The following TGFBR3 variants were observed in gnomAD, a reference collection of about 807,000 sequenced individuals.
The protein encoded by TGFBR3 is transforming growth factor beta receptor 3, also known as transforming growth factor beta receptor type 3.
A neutral mutation model predicts 87.9 loss-of-function variants in TGFBR3; 46 were observed. The ratio of observed to expected loss-of-function variants is 0.52; its 90% CI spans 0.41 to 0.67. The LOEUF is 0.67. TGFBR3 is among the 30% of genes least tolerant of loss of function. The pLI is 0.00. For synonymous variants in TGFBR3, 381 were observed against 391.6 expected (o/e 0.97, Z 0.32); for missense variants, 866 against 1,041.9 (o/e 0.83, Z 2.32).
At position 91,682,566 on chromosome 1, in the gene TGFBR3, G is replaced by C. The variant is rs759611426; in HGVS notation, c.*1173C>G. The C allele has an allele frequency of 8.8e-6, 4 of 453,702 alleles. No individual in the cohort carries two copies. Among genetic ancestry groups the C allele is most frequent in the South Asian group, 4.7e-5 (3 of 64,442 alleles). The allele number at this position is 453,702 out of a possible 1,614,324, so 28.1% of individuals were successfully genotyped here. On this transcript the variant is annotated 3_prime_UTR_variant, in exon 17 of 17. Transcript: ENST00000212355. ...GCAAGAGAAGTAAGGCAATCCAAAT[G>C]AGTGCCCTTTTCCAATCTCAGCACT...
Position 91,681,209 on chromosome 1 carries a change from A to C in TGFBR3, c.*2530T>G. 1 of 451,520 alleles carries C rather than the reference A, an allele frequency of 2.2e-6. No homozygotes were observed. The allele number at this position is 451,520 out of a possible 1,614,324, so 28.0% of individuals were successfully genotyped here. On this transcript the variant is annotated 3_prime_UTR_variant, in exon 17 of 17. Transcript: ENST00000212355. ...AAACTGTAAAGTGTGAAGCAATTAGAAATACTGTAATGAGAAGCTAGGGAG... is the reference window on the plus strand; with the variant it reads ...AAACTGTAAAGTGTGAAGCAATTAGCAATACTGTAATGAGAAGCTAGGGAG...
At chr1:91,901,177 T>A (rs1485883104) in intron 1 of TGFBR3, among the ~76,000 whole-genome samples, 2 of 152,202 alleles carry the variant, frequency 1.3e-5, no homozygotes, top group East Asian at 3.8e-4. Flanking sequence ...TTTCTGTGGG[T>A]TTTGTTTGTT....
Position 91,800,354 on chromosome 1 carries a change from G to GTGTGTGTA in TGFBR3, c.62-2884_62-2883insTACACACA, listed in dbSNP as rs1239418559. 5.4e-5 allele frequency among the ~76,000 whole-genome samples: 8 copies of GTGTGTGTA among 147,776 alleles called. No individual in the cohort carries two copies. The South Asian group carries it at 1.1e-3, about 20-fold the overall frequency. On this transcript the variant is annotated intron_variant, in intron 2 of 16. Coordinates refer to ENST00000212355, the MANE Select transcript of TGFBR3 (RefSeq NM_003243.5). ...TATGTGTGTGTGTGTGTGTGTGTGT[G>GTGTGTGTA]TATATAAAAGCAGTTGTGGTGGTGC...
intron 2 of TGFBR3, among the ~76,000 whole-genome samples, chr1:91,893,893 A>C (rs72952824): frequency 4.0e-5 from 6 of 150,738 alleles, no homozygotes; most frequent in African/African-American, 1.5e-4. Context: ...ATTTGAGAAA[A>C]ATAATATAAA....
chr1:91,690,340 G>A (rs1020386301), intron 16 of TGFBR3, among the ~76,000 whole-genome samples: 3 of 152,130 alleles, frequency 2.0e-5, no homozygotes, highest in Non-Finnish European at 2.9e-5. Flanking sequence ...GGAAACTGAA[G>A]GTTCCAGAAA....
intron 5 of TGFBR3, among the ~76,000 whole-genome samples, chr1:91,732,072 G>T (rs1430070135): frequency 6.6e-6 from 1 of 152,180 alleles, no homozygotes; most frequent in East Asian, 1.9e-4. Context: ...GGGGCAGGGG[G>T]AGTCACATGC....
chr1:91,827,095 T>C (rs564843623), intron 2 of TGFBR3, among the ~76,000 whole-genome samples: 38 of 152,318 alleles, frequency 2.5e-4, no homozygotes, highest in African/African-American at 7.9e-4. Context: ...TCCCTTGCCC[T>C]CTACCTATTC....
At chr1:91,707,064 A>G (rs895859254) in intron 14 of TGFBR3, among the ~76,000 whole-genome samples, 6 of 152,260 alleles carry the variant, frequency 3.9e-5, no homozygotes, top group South Asian at 4.1e-4. Context: ...AATGAATTAA[A>G]GATTATTTTG....
intron 2 of TGFBR3, among the ~76,000 whole-genome samples, chr1:91,807,475 ATTG>A (rs1426572206): frequency 1.3e-5 from 2 of 152,332 alleles, no homozygotes; most frequent in African/African-American, 2.4e-5. Context: ...ATATTTGTGT[ATTG>A]TTGTGTTGAA....
At chr1:91,836,505 TC>T (rs1677074340) in intron 2 of TGFBR3, among the ~76,000 whole-genome samples, 1 of 152,132 alleles carries the variant, frequency 6.6e-6, no homozygotes, top group Non-Finnish European at 1.5e-5. Flanking sequence ...GGCAGCTGGC[TC>T]TTAACGTCTA....
chr1:91,861,205 C>T (rs1397668708), intron 2 of TGFBR3, among the ~76,000 whole-genome samples: 1 of 151,994 alleles, frequency 6.6e-6, no homozygotes, highest in African/African-American at 2.4e-5. Context: ...AGTTTGAAAC[C>T]AGCCTGAGCA....
At chr1:91,822,724 C>T (rs1321094701) in intron 2 of TGFBR3, among the ~76,000 whole-genome samples, 2 of 151,994 alleles carry the variant, frequency 1.3e-5, no homozygotes, top group Non-Finnish European at 2.9e-5. Context: ...TCTAGGAGTT[C>T]GAGACCAGCC....
chr1:91,889,737 C>T (rs1412565277), upstream of TGFBR3, among the ~76,000 whole-genome samples: 5 of 152,026 alleles, frequency 3.3e-5, no homozygotes, highest in African/African-American at 7.3e-5. Flanking sequence ...TGCAGCAGCG[C>T]GATCTCAGCT....
At chr1:91,884,793 T>A (rs1052831670) in intron 1 of TGFBR3, among the ~76,000 whole-genome samples, 2 of 152,240 alleles carry the variant, frequency 1.3e-5, no homozygotes, top group Non-Finnish European at 2.9e-5. Context: ...CACACTGAAG[T>A]AACTGTTTGC....
At chr1:91,850,162 C>A (rs1173735210) in intron 2 of TGFBR3, among the ~76,000 whole-genome samples, 4 of 151,718 alleles carry the variant, frequency 2.6e-5, no homozygotes, top group Non-Finnish European at 5.9e-5. Context: ...AAAGTCTCTC[C>A]CCTTTCTGTG....
At chr1:91,890,291 G>T (rs773462827), upstream of TGFBR3, among the ~76,000 whole-genome samples, 2 of 151,736 alleles carry the variant, frequency 1.3e-5, no homozygotes, top group Non-Finnish European at 2.9e-5. Context: ...AGATTTAGTG[G>T]CATGTCTCCA....
intron 2 of TGFBR3, among the ~76,000 whole-genome samples, chr1:91,891,692 C>T (rs1341862457): frequency 6.6e-6 from 1 of 152,120 alleles, no homozygotes; most frequent in East Asian, 1.9e-4. Flanking sequence ...AGAACATGAA[C>T]CAAATGTTCC....
In TGFBR3 at chr1:91,797,439, G is replaced by A. The variant is rs767943888; in HGVS notation, c.94C>T (p.Pro32Ser). ...PEPGALCELS[P>S]VSASHPVQAL... ...TGGACAGGATGGGAGGCACTGACAG[G>A]TGACAGTTCACACAGTGCACCAGGC... is the stretch of plus-strand genomic sequence containing the variant. Residue 32 changes from proline (P) to serine (S), a missense_variant, in exon 3 of 17, where the codon CCT becomes TCT. Physicochemically the swap from Pro to Ser is moderately conservative, Grantham distance 74. Coordinates refer to ENST00000212355, the MANE Select transcript of TGFBR3 (RefSeq NM_003243.5). The A allele has an allele frequency of 4.3e-6, 7 of 1,614,116 alleles. No individual in the cohort carries two copies. The highest frequency in any genetic ancestry group is 3.4e-6 in the Non-Finnish European group (4 of 1,180,048).
At chr1:91,836,252 A>AAAAT (rs1240285258) in intron 2 of TGFBR3, among the ~76,000 whole-genome samples, 2 of 152,186 alleles carry the variant, frequency 1.3e-5, no homozygotes, top group Admixed American at 6.5e-5. Flanking sequence ...CATCTCAAGG[A>AAAAT]AAATAAACAA....
Sources: allele counts gnomAD v4.1 joint callset (sites outside exome capture counted in the v4.1 genomes callset), GRCh38; gene constraint gnomAD v4.1.1; transcripts MANE v1.5; gene names NCBI Gene and HGNC (gene_info 2026-07-23, HGNC 2026-07-21).